The following KAZN variants were observed in gnomAD, a reference collection of about 807,000 sequenced individuals.
KAZN encodes the protein kazrin.
KAZN carries 40 observed loss-of-function variants against 87.4 expected under a neutral mutation model. That is an observed-to-expected ratio of 0.46 (90% confidence interval 0.36 to 0.60). The LOEUF (loss-of-function observed/expected upper bound fraction) is 0.60. Among genes scored for constraint, KAZN ranks in the 20% least tolerant of loss-of-function variants. The pLI, the probability that KAZN is intolerant of heterozygous loss-of-function variation, is 0.00. For missense variants in KAZN, 898 were observed against 1,073.9 expected, an observed-to-expected ratio of 0.84 and a Z score of 2.29; for synonymous variants, 466 against 458.3, an observed-to-expected ratio of 1.02 and a Z score of -0.22.
chr1:15,074,455 C>T (rs1639650048), intron 8 of KAZN, among the ~76,000 whole-genome samples: 1 of 152,174 alleles, frequency 6.6e-6, no homozygotes, highest in African/African-American at 2.4e-5. Context: ...AGTCACTCCT[C>T]ATGGGTGTCC....
At chr1:14,530,560 G>A (rs1232201174) in intron 2 of KAZN, among the ~76,000 whole-genome samples, 6 of 152,070 alleles carry the variant, frequency 3.9e-5, no homozygotes, top group African/African-American at 9.7e-5. Flanking sequence ...CCATGGTAAT[G>A]AGTGAGTTGT....
intron 2 of KAZN, among the ~76,000 whole-genome samples, chr1:14,217,561 G>A (rs771703686): frequency 2.6e-5 from 4 of 151,936 alleles, no homozygotes; most frequent in Non-Finnish European, 5.9e-5. Flanking sequence ...AATTTAGAAG[G>A]CAGTCAAAGG....
chr1:14,721,189 T>C (rs1232746940), intron 1 of KAZN, among the ~76,000 whole-genome samples: 1 of 152,142 alleles, frequency 6.6e-6, no homozygotes, highest in East Asian at 1.9e-4. Flanking sequence ...AATCCCCACA[T>C]GTCATGGGAG....
At chr1:14,465,345 G>A (rs1385656207) in intron 2 of KAZN, among the ~76,000 whole-genome samples, 1 of 144,430 alleles carries the variant, frequency 6.9e-6, no homozygotes, top group Admixed American at 7.2e-5. Flanking sequence ...CTGGCAGTGA[G>A]CTGAGATTGT....
intron 2 of KAZN, among the ~76,000 whole-genome samples, chr1:14,273,488 A>G (rs2100689929): frequency 6.6e-6 from 1 of 152,336 alleles, no homozygotes; most frequent in Non-Finnish European, 1.5e-5. Flanking sequence ...TTTGAACCAT[A>G]ACAAAATTAC....
chr1:14,900,584 T>C (rs1011586054), intron 1 of KAZN, among the ~76,000 whole-genome samples: 14 of 152,008 alleles, frequency 9.2e-5, no homozygotes, highest in Non-Finnish European at 1.5e-4. Flanking sequence ...AAACTCTGTC[T>C]CTACTAAAAA....
chr1:14,215,689 G>T (rs147295413), intron 2 of KAZN, among the ~76,000 whole-genome samples: 1 of 152,154 alleles, frequency 6.6e-6, no homozygotes, highest in South Asian at 2.1e-4. Context: ...TTCAGGTAAA[G>T]AAACTGAAGC....
At chr1:14,607,080 A>G (rs1572034919) in intron 1 of KAZN, among the ~76,000 whole-genome samples, 1 of 152,278 alleles carries the variant, frequency 6.6e-6, no homozygotes, top group South Asian at 2.1e-4. Context: ...TACTTGCTGA[A>G]TGAATAGATG....
chr1:14,078,311 T>C (rs1643540593), intron 1 of KAZN, among the ~76,000 whole-genome samples: 1 of 152,178 alleles, frequency 6.6e-6, no homozygotes, highest in Admixed American at 6.5e-5. Flanking sequence ...AGATCTAAAC[T>C]CCATCCACAG....
chr1:14,523,003 C>T (rs932277844), intron 2 of KAZN, among the ~76,000 whole-genome samples: 1 of 152,168 alleles, frequency 6.6e-6, no homozygotes, highest in African/African-American at 2.4e-5. Context: ...TCCCCCAACT[C>T]CCCAGCATGT....
chr1:14,467,487 A>T (rs1156792050), intron 2 of KAZN, among the ~76,000 whole-genome samples: 1 of 152,066 alleles, frequency 6.6e-6, no homozygotes, highest in African/African-American at 2.4e-5. Flanking sequence ...CCTATCAGTC[A>T]TTATATTCCA....
intron 1 of KAZN, among the ~76,000 whole-genome samples, chr1:14,174,791 TATC>T (rs962829440): frequency 3.3e-5 from 5 of 152,344 alleles, no homozygotes; most frequent in East Asian, 3.9e-4. Flanking sequence ...TTTACATGCT[TATC>T]ATGTGGTAGG....
chr1:14,759,398 C>T (rs960520575), intron 1 of KAZN, among the ~76,000 whole-genome samples: 1 of 152,118 alleles, frequency 6.6e-6, no homozygotes, highest in Non-Finnish European at 1.5e-5. Flanking sequence ...ATCTCCCACC[C>T]CCTGTTGGAG....
At chr1:14,586,822 C>T (rs1342447197) in intron 2 of KAZN, among the ~76,000 whole-genome samples, 1 of 152,062 alleles carries the variant, frequency 6.6e-6, no homozygotes, top group African/African-American at 2.4e-5. Context: ...TTGTAGGCAT[C>T]AATCAAATGC....
At chr1:14,737,718 G>A (rs781472561) in intron 1 of KAZN, among the ~76,000 whole-genome samples, 1 of 152,162 alleles carries the variant, frequency 6.6e-6, no homozygotes, top group Non-Finnish European at 1.5e-5. Flanking sequence ...TGTGGTTATT[G>A]ATGGAAATCT....
At chr1:14,647,971 T>C (rs758909409) in intron 1 of KAZN, among the ~76,000 whole-genome samples, 4 of 152,192 alleles carry the variant, frequency 2.6e-5, no homozygotes, top group African/African-American at 9.7e-5. Context: ...ACCTTTCTGT[T>C]TCCTCTGTTG....
intron 2 of KAZN, among the ~76,000 whole-genome samples, chr1:14,517,274 G>A (rs1270996335): frequency 6.6e-6 from 1 of 152,122 alleles, no homozygotes; most frequent in Non-Finnish European, 1.5e-5. Flanking sequence ...TAAGCAAGTT[G>A]CTGCTGATGC....
intron 2 of KAZN, among the ~76,000 whole-genome samples, chr1:14,439,079 C>T (rs558305863): frequency 6.6e-6 from 1 of 152,342 alleles, no homozygotes; most frequent in South Asian, 2.1e-4. Flanking sequence ...CAGTGCTCTA[C>T]TGGGATTTCC....
chr1:14,542,683 G>A (rs1672886272), intron 2 of KAZN, among the ~76,000 whole-genome samples: 1 of 152,138 alleles, frequency 6.6e-6, no homozygotes, highest in Admixed American at 6.6e-5. Context: ...CGGATAGGTA[G>A]CTTTCACCCT....
Sources: gnomAD v4.1 joint callset for allele counts (sites outside exome capture counted in the v4.1 genomes callset) on GRCh38, gnomAD v4.1.1 for gene constraint, MANE v1.5 for transcripts, NCBI Gene and HGNC (gene_info 2026-07-23, HGNC 2026-07-21) for gene names.